The following RAB5C variants were observed in gnomAD, a reference collection of about 807,000 sequenced individuals.
RAB5C encodes ras-related protein Rab-5C.
In RAB5C, 4 loss-of-function variants were observed where a neutral mutation model predicts 25.2. The ratio of observed to expected loss-of-function variants is 0.16; its 90% CI spans 0.08 to 0.36. RAB5C has a LOEUF of 0.36. RAB5C is among the 10% of genes least tolerant of loss of function. The pLI, the probability that RAB5C is intolerant of heterozygous loss-of-function variation, is 1.00. For missense variants in RAB5C, 199 were observed against 283.8 expected, an observed-to-expected ratio of 0.70 and a Z score of 2.15; for synonymous variants, 100 against 106.4, an observed-to-expected ratio of 0.94 and a Z score of 0.37.
chr17:42,148,420 A>AC lies in RAB5C; in HGVS notation c.-89+6472_-89+6473insG, dbSNP rs1457495290. ...CTCCATCTCAAAAAAAAAAAAAAAA[A>AC]AAAAAAGAAGTGGGCAGGTGTTTGG... On this transcript the variant is annotated intron_variant, in intron 1 of 5. Transcript: ENST00000346213. Among the ~76,000 whole-genome samples the AC allele has an allele frequency of 7.3e-5, 11 of 151,690 alleles. No individual in the cohort carries two copies. In the East Asian group the frequency reaches 7.7e-4, roughly 11 times the overall value.
In RAB5C at chr17:42,148,008, G is replaced by C. The variant is rs550079017; in HGVS notation, c.-89+6885C>G. Reference sequence around the variant, plus strand: ...TGCTACTTGGGAAGCTGAGGCAGGAGAATCTCTTTAACTCGGGAGGCGGAG... The same window carrying C: ...TGCTACTTGGGAAGCTGAGGCAGGACAATCTCTTTAACTCGGGAGGCGGAG... On this transcript the variant is annotated intron_variant, in intron 1 of 5. Transcript: ENST00000346213. 2.0e-5 allele frequency among the ~76,000 whole-genome samples: 3 copies of C among 152,294 alleles called. No individual in the cohort carries two copies. In the East Asian group the frequency reaches 5.8e-4, roughly 29 times the overall value.
intron 1 of RAB5C, among the ~76,000 whole-genome samples, chr17:42,133,671 T>A (rs1403762386): frequency 1.3e-5 from 2 of 152,330 alleles, no homozygotes; most frequent in East Asian, 3.9e-4. Context: ...GCACCACAGA[T>A]GTGACTGTCT....
chr17:42,148,590 C>T (rs1361771336), intron 1 of RAB5C, among the ~76,000 whole-genome samples: 1 of 152,068 alleles, frequency 6.6e-6, no homozygotes, highest in Non-Finnish European at 1.5e-5. Flanking sequence ...GCTCACCCAC[C>T]AGAGAATGAG....
At chr17:42,131,589 C>T in intron 1 of RAB5C, 1 of 1,530,150 alleles carries the variant, frequency 6.5e-7, no homozygotes, top group Middle Eastern at 1.7e-4. Context: ...TACCAACTTT[C>T]CCTTTTTCAA....
intron 1 of RAB5C, among the ~76,000 whole-genome samples, chr17:42,139,330 C>G (rs1160875340): frequency 6.6e-6 from 1 of 152,220 alleles, no homozygotes; most frequent in Non-Finnish European, 1.5e-5. Flanking sequence ...GCAGCTGCAC[C>G]AGGCAAGGCT....
intron 5 of RAB5C, 99 bp from the exon 6 acceptor site, chr17:42,125,997 A>T: frequency 1.2e-6 from 1 of 836,026 alleles, no homozygotes; most frequent in Non-Finnish European, 1.9e-6. Flanking sequence ...ATCAGTGGTA[A>T]CTCACATATT....
chr17:42,141,841 G>A (rs1477723247), intron 1 of RAB5C, among the ~76,000 whole-genome samples: 2 of 152,162 alleles, frequency 1.3e-5, no homozygotes, highest in African/African-American at 4.8e-5. Flanking sequence ...TTCAGTACAT[G>A]TTCTGTAGCA....
At chr17:42,137,626 C>G (rs1489093026) in intron 1 of RAB5C, 1 of 152,072 alleles carries the variant, frequency 6.6e-6, no homozygotes, top group Non-Finnish European at 1.5e-5. Flanking sequence ...CGGTGGCTCA[C>G]GCCTATAATC....
intron 1 of RAB5C, among the ~76,000 whole-genome samples, chr17:42,139,061 G>A (rs1371785543): frequency 6.6e-6 from 1 of 152,234 alleles, no homozygotes; most frequent in East Asian, 1.9e-4. Context: ...TCTCTGGAGA[G>A]GCTCAGAGAG....
At chr17:42,131,538 AAC>A in intron 1 of RAB5C, 2 of 1,427,848 alleles carry the variant, frequency 1.4e-6, no homozygotes, top group Non-Finnish European at 1.9e-6. Context: ...CACACACAGA[AAC>A]ACACACCAAA....
At chr17:42,145,008 CA>C (rs1304462888) in intron 1 of RAB5C, among the ~76,000 whole-genome samples, 2 of 78,758 alleles carry the variant, frequency 2.5e-5, no homozygotes, top group African/African-American at 3.5e-5. Flanking sequence ...AAAAAAAATA[CA>C]AAAAAATTAG....
At chr17:42,146,394 A>G (rs2144094431) in intron 1 of RAB5C, among the ~76,000 whole-genome samples, 1 of 152,326 alleles carries the variant, frequency 6.6e-6, no homozygotes, top group Non-Finnish European at 1.5e-5. Context: ...CTTTTCTAAA[A>G]GTATTCTGAA....
chr17:42,134,557 A>G (rs1013250244), intron 1 of RAB5C, among the ~76,000 whole-genome samples: 2 of 152,220 alleles, frequency 1.3e-5, no homozygotes, highest in Admixed American at 1.3e-4. Context: ...AGCTTGGGGC[A>G]AAAGAGTAAG....
At chr17:42,140,503 ATATATATATATATTTTTTT>A (rs1419002821) in intron 1 of RAB5C, among the ~76,000 whole-genome samples, 321 of 50,444 alleles carry the variant, frequency 6.4e-3, no homozygotes, top group South Asian at 0.014. Flanking sequence ...ATATATATAT[ATATATATATATATTTTTTT>A]TTTTTTTTTT....
At chr17:42,146,238 G>A (rs1043582405) in intron 1 of RAB5C, among the ~76,000 whole-genome samples, 12 of 152,154 alleles carry the variant, frequency 7.9e-5, no homozygotes, top group African/African-American at 2.7e-4. Context: ...TGGGATCCTG[G>A]AACAGCAAAA....
At chr17:42,142,164 TAAA>T (rs34759135) in intron 1 of RAB5C, among the ~76,000 whole-genome samples, 52 of 136,094 alleles carry the variant, frequency 3.8e-4, no homozygotes, top group African/African-American at 6.7e-4. Flanking sequence ...CATAACCTCT[TAAA>T]AAAAAAAAAA....
At chr17:42,128,542 AC>A in intron 3 of RAB5C, 106 bp downstream of exon 3, 1 of 422,898 alleles carries the variant, frequency 2.4e-6, no homozygotes, top group Non-Finnish European at 4.0e-6. Flanking sequence ...CCCACCCCCC[AC>A]CCAGGAACAG....
chr17:42,148,418 A>AG (rs2079650369), intron 1 of RAB5C, among the ~76,000 whole-genome samples: 1 of 151,588 alleles, frequency 6.6e-6, no homozygotes, highest in African/African-American at 2.4e-5. Flanking sequence ...AAAAAAAAAA[A>AG]AAAAAAAAGA....
intron 1 of RAB5C, among the ~76,000 whole-genome samples, chr17:42,147,135 A>G (rs916513620): frequency 1.6e-5 from 2 of 125,506 alleles, no homozygotes; most frequent in African/African-American, 9.3e-5. Flanking sequence ...AGAAAGAAAG[A>G]AAGAAAGAAA....
Sources: allele counts gnomAD v4.1 joint callset (sites outside exome capture counted in the v4.1 genomes callset), GRCh38; gene constraint gnomAD v4.1.1; transcripts MANE v1.5; gene names NCBI Gene and HGNC (gene_info 2026-07-23, HGNC 2026-07-21).